The following ZNF385D variants were observed in gnomAD, a reference collection of about 807,000 sequenced individuals.
The protein encoded by ZNF385D is zinc finger protein 385D, also known as zinc finger protein 659.
Under a neutral mutation model 35.8 loss-of-function variants are expected in ZNF385D, and 15 were observed. The observed-to-expected ratio is 0.42, with a 90% CI of 0.28 to 0.64. ZNF385D has a LOEUF of 0.64. Among genes scored for constraint, ZNF385D ranks in the 30% least tolerant of loss-of-function variants. The pLI, the probability that ZNF385D is intolerant of heterozygous loss-of-function variation, is 0.23. For missense variants in ZNF385D, 474 were observed against 494.6 expected, an observed-to-expected ratio of 0.96 and a Z score of 0.39; for synonymous variants, 212 against 186.8, an observed-to-expected ratio of 1.13 and a Z score of -1.10.
intron 3 of ZNF385D, among the ~76,000 whole-genome samples, chr3:21,883,782 G>A (rs1256557594): frequency 1.3e-5 from 2 of 152,020 alleles, no homozygotes; most frequent in East Asian, 3.9e-4. Context: ...TGTGGAAAAT[G>A]GGATTATTTA....
intron 3 of ZNF385D, among the ~76,000 whole-genome samples, chr3:21,823,298 G>C (rs752301200): frequency 6.6e-6 from 1 of 152,086 alleles, no homozygotes; most frequent in African/African-American, 2.4e-5. Context: ...ACAATTTTAG[G>C]TTTAAATCAC....
chr3:21,869,124 A>G (rs1684510), intron 3 of ZNF385D, among the ~76,000 whole-genome samples: 1 of 151,846 alleles, frequency 6.6e-6, no homozygotes, highest in African/African-American at 2.4e-5. Flanking sequence ...TCGAGGGACC[A>G]AGAAACAACG....
intron 2 of ZNF385D, among the ~76,000 whole-genome samples, chr3:22,364,095 T>C (rs546886338): frequency 2.4e-4 from 36 of 152,248 alleles, no homozygotes; most frequent in Non-Finnish European, 4.4e-4. Flanking sequence ...AGTTATTTCA[T>C]AATCATTCTA....
intron 2 of ZNF385D, among the ~76,000 whole-genome samples, chr3:22,340,963 C>T (rs116210783): frequency 0.01 from 1,596 of 152,244 alleles, 27 homozygotes; most frequent in African/African-American, 0.036. Flanking sequence ...AGGTCAATGG[C>T]GGTCCAGGTC....
chr3:21,681,294 T>C (rs1221058800), intron 1 of ZNF385D, among the ~76,000 whole-genome samples: 10 of 24,884 alleles, frequency 4.0e-4, no homozygotes, highest in African/African-American at 1.2e-3. Flanking sequence ...ATATATTCCA[T>C]CAGTAAAAAA....
In ZNF385D at chr3:22,030,255, T is replaced by TTATA. The variant is rs1559316329; in HGVS notation, c.325+138561_325+138562insTATA. Reference sequence around the variant, plus strand: ...GCAAGTTAATACTTAATAAACTCATTCATATATATATATATATATATATAT... The same window carrying TTATA: ...GCAAGTTAATACTTAATAAACTCATTTATACATATATATATATATATATATATAT... On this transcript the variant is annotated intron_variant, in intron 3 of 5. Transcript: ENST00000494108. 4.3e-3 allele frequency among the ~76,000 whole-genome samples: 120 copies of TTATA among 27,912 alleles called. 4 individuals are homozygous for TTATA. Among genetic ancestry groups the TTATA allele is most frequent in the African/African-American group, 0.017 (110 of 6,454 alleles). 18.3% of individuals were successfully genotyped at this position (27,912 alleles called of 152,430 possible).
At chr3:21,904,263 C>A (rs549481149) in intron 3 of ZNF385D, among the ~76,000 whole-genome samples, 57 of 137,474 alleles carry the variant, frequency 4.1e-4, no homozygotes, top group African/African-American at 1.2e-3. Context: ...GAGATCATGC[C>A]ACTGCACTCC....
chr3:22,137,890 G>A (rs1358924284), intron 3 of ZNF385D, among the ~76,000 whole-genome samples: 1 of 152,044 alleles, frequency 6.6e-6, no homozygotes, highest in Admixed American at 6.6e-5. Context: ...GTCCCTGTTT[G>A]CAGATGACAT....
At chr3:22,095,963 A>C (rs896076824) in intron 3 of ZNF385D, among the ~76,000 whole-genome samples, 1 of 151,970 alleles carries the variant, frequency 6.6e-6, no homozygotes, top group Non-Finnish European at 1.5e-5. Context: ...CATTTTTTAA[A>C]ATGATTCTGT....
At chr3:21,774,261 G>T (rs995198771) in intron 3 of ZNF385D, among the ~76,000 whole-genome samples, 1 of 151,750 alleles carries the variant, frequency 6.6e-6, no homozygotes, top group African/African-American at 2.4e-5. Flanking sequence ...ACACACGGGG[G>T]CCTGTCAGAG....
chr3:22,283,984 C>T (rs755881260), intron 2 of ZNF385D, among the ~76,000 whole-genome samples: 9 of 152,018 alleles, frequency 5.9e-5, no homozygotes, highest in South Asian at 4.2e-4. Context: ...CTTATTGATG[C>T]CTTTTATGAT....
At chr3:21,812,225 G>T (rs1348453001) in intron 3 of ZNF385D, among the ~76,000 whole-genome samples, 1 of 152,180 alleles carries the variant, frequency 6.6e-6, no homozygotes, top group Non-Finnish European at 1.5e-5. Context: ...GATACTTAAG[G>T]ATCCGGTTCC....
intron 2 of ZNF385D, among the ~76,000 whole-genome samples, chr3:22,191,823 A>T (rs1455242418): frequency 1.3e-5 from 2 of 152,190 alleles, no homozygotes; most frequent in Non-Finnish European, 2.9e-5. Context: ...CTTATTAAAA[A>T]TTACCACTTC....
At chr3:22,320,424 A>T (rs1263049547) in intron 2 of ZNF385D, among the ~76,000 whole-genome samples, 4 of 151,704 alleles carry the variant, frequency 2.6e-5, no homozygotes, top group Non-Finnish European at 4.4e-5. Context: ...CTTGTTTTTG[A>T]TCATGTTCTA....
intron 2 of ZNF385D, among the ~76,000 whole-genome samples, chr3:22,333,439 G>T (rs116013679): frequency 7.3e-5 from 11 of 151,654 alleles, no homozygotes; most frequent in African/African-American, 2.7e-4. Context: ...GTCCCATAAG[G>T]CTGTAATGCT....
Position 21,421,225 on chromosome 3 carries a change from C to G in ZNF385D, c.1177G>C (p.Ala393Pro). 6.2e-7 allele frequency: 1 copy of G among 1,613,874 alleles called. No homozygotes were observed. Among genetic ancestry groups the G allele is most frequent in the Non-Finnish European group, 8.5e-7 (1 of 1,179,890 alleles). The change falls in exon 8 of 8, where the codon GCT becomes CCT. Residue 393 changes from alanine (A) to proline (P), a missense_variant. Physicochemically the swap from Ala to Pro is conservative, Grantham distance 27 (BLOSUM62 -1). Transcript: ENST00000281523. ...IRTAHTPVLF[A>P]PY ...CTCCTATTTGGAATTTAGTAAGGAG[C>G]AAACAGCACAGGAGTGTGGGCGGTC... is the stretch of plus-strand genomic sequence containing the variant.
intron 5 of ZNF385D, chr3:21,436,760 C>T: frequency 1.8e-6 from 1 of 571,220 alleles, no homozygotes; most frequent in Non-Finnish European, 3.1e-6. Context: ...CATACACACA[C>T]ACCATGGACT....
chr3:21,691,234 T>C (rs2067274898), intron 1 of ZNF385D, among the ~76,000 whole-genome samples: 1 of 152,324 alleles, frequency 6.6e-6, no homozygotes, highest in East Asian at 1.9e-4. Flanking sequence ...TGCCAAGTAC[T>C]GCTAGAGAAA....
intron 2 of ZNF385D, among the ~76,000 whole-genome samples, chr3:21,567,576 A>G (rs2063194077): frequency 6.6e-6 from 1 of 152,064 alleles, no homozygotes; most frequent in African/African-American, 2.4e-5. Flanking sequence ...GCTGACGGAA[A>G]AATTAAAAGC....
Sources: allele counts gnomAD v4.1 joint callset (sites outside exome capture counted in the v4.1 genomes callset), GRCh38; gene constraint gnomAD v4.1.1; transcripts MANE v1.5; gene names NCBI Gene and HGNC (gene_info 2026-07-23, HGNC 2026-07-21).